EBF1: variants seen among roughly 807,000 people sequenced by gnomAD.
EBF1 encodes EBF transcription factor 1.
A neutral mutation model predicts 68.4 loss-of-function variants in EBF1; 10 were observed. That is an observed-to-expected ratio of 0.15 (90% CI 0.09 to 0.25). The LOEUF is 0.25. Among genes scored for constraint, EBF1 ranks in the 10% least tolerant of loss-of-function variants. The pLI, the probability that EBF1 is intolerant of heterozygous loss-of-function variation, is 1.00. For synonymous variants in EBF1, 298 were observed against 299.8 expected (o/e 0.99, Z 0.06); for missense variants, 509 against 794.4 (o/e 0.64, Z 4.32).
At chr5:158,783,092 G>A (rs1037229473) in intron 9 of EBF1, among the ~76,000 whole-genome samples, 3 of 152,156 alleles carry the variant, frequency 2.0e-5, no homozygotes, top group African/African-American at 7.2e-5. Flanking sequence ...TAAATGGTAA[G>A]AGTGTTTATT....
chr5:159,002,997 TC>T (rs1167214365), intron 6 of EBF1, among the ~76,000 whole-genome samples: 1 of 152,212 alleles, frequency 6.6e-6, no homozygotes, highest in African/African-American at 2.4e-5. Flanking sequence ...CACTCTTTAC[TC>T]ATGATGCAAG....
At chr5:159,025,048 C>T (rs10475669) in intron 6 of EBF1, among the ~76,000 whole-genome samples, 11,072 of 152,232 alleles carry the variant, frequency 0.073, 863 homozygotes, top group East Asian at 0.33. Flanking sequence ...AGGAAATACA[C>T]AAATGTACAG....
At chr5:159,022,825 A>AG (rs113972692) in intron 6 of EBF1, among the ~76,000 whole-genome samples, 3,633 of 152,218 alleles carry the variant, frequency 0.024, 131 homozygotes, top group African/African-American at 0.082. Flanking sequence ...ATGGACAGAG[A>AG]GGAAAAAAAA....
At chr5:158,720,870 A>G (rs1761797123) in intron 11 of EBF1, among the ~76,000 whole-genome samples, 1 of 152,178 alleles carries the variant, frequency 6.6e-6, no homozygotes, top group Admixed American at 6.6e-5. Flanking sequence ...TAACAATTAT[A>G]TTTTACAACC....
intron 6 of EBF1, among the ~76,000 whole-genome samples, chr5:158,964,202 A>C (rs547436942): frequency 6.6e-6 from 1 of 152,214 alleles, no homozygotes; most frequent in Non-Finnish European, 1.5e-5. Context: ...GTGAGTGTGC[A>C]TCAGTGCAAA....
chr5:158,931,274 C>A (rs1052751222), intron 6 of EBF1, among the ~76,000 whole-genome samples: 5 of 152,186 alleles, frequency 3.3e-5, no homozygotes, highest in African/African-American at 1.2e-4. Flanking sequence ...AGAGTAAGCT[C>A]AACATACTCC....
intron 9 of EBF1, among the ~76,000 whole-genome samples, chr5:158,795,334 T>C (rs1779420503): frequency 2.0e-5 from 3 of 152,166 alleles, no homozygotes; most frequent in African/African-American, 4.8e-5. Flanking sequence ...TAACTATTTG[T>C]CTTGGAGCTT....
intron 6 of EBF1, among the ~76,000 whole-genome samples, chr5:158,988,374 G>C (rs1759561995): frequency 6.6e-6 from 1 of 152,134 alleles, no homozygotes; most frequent in Non-Finnish European, 1.5e-5. Flanking sequence ...TGGGACCTAG[G>C]GGAGGAAAAA....
intron 6 of EBF1, among the ~76,000 whole-genome samples, chr5:158,946,329 T>A (rs1231270964): frequency 6.6e-6 from 1 of 152,228 alleles, no homozygotes; most frequent in Non-Finnish European, 1.5e-5. Context: ...TTTATATACC[T>A]TTGGTCTTTG....
At chr5:159,051,024 A>T (rs1773517706) in intron 6 of EBF1, among the ~76,000 whole-genome samples, 1 of 152,028 alleles carries the variant, frequency 6.6e-6, no homozygotes, top group South Asian at 2.1e-4. Flanking sequence ...CAATTATACG[A>T]ATGTTAGGAA....
chr5:158,829,340 CTT>C (rs756188252), intron 7 of EBF1, among the ~76,000 whole-genome samples: 6 of 139,648 alleles, frequency 4.3e-5, no homozygotes, highest in Admixed American at 1.4e-4. Flanking sequence ...CACACTCAGC[CTT>C]TTTTTTTTTT....
intron 6 of EBF1, among the ~76,000 whole-genome samples, chr5:158,893,243 C>G (rs1363480945): frequency 6.6e-6 from 1 of 152,156 alleles, no homozygotes. Context: ...TATTATTAAG[C>G]CTTTTTTCTC....
intron 9 of EBF1, among the ~76,000 whole-genome samples, chr5:158,792,961 G>A (rs1412855488): frequency 3.9e-5 from 6 of 152,234 alleles, no homozygotes; most frequent in South Asian, 2.1e-4. Flanking sequence ...ATGGCAATGT[G>A]AGCCTATCAC....
At chr5:159,006,647 T>TAAAAAAAAAAAAAAAAAAAAAAAAAAA (rs36045942) in intron 6 of EBF1, among the ~76,000 whole-genome samples, 1 of 56,226 alleles carries the variant, frequency 1.8e-5, no homozygotes, top group Non-Finnish European at 3.0e-5. Flanking sequence ...ATAGCCATGT[T>TAAAAAAAAAAAAAAAAAAAAAAAAAAA]AAAAAAAAAA....
At chr5:158,854,718 T>C (rs1261728176) in intron 6 of EBF1, among the ~76,000 whole-genome samples, 1 of 152,170 alleles carries the variant, frequency 6.6e-6, no homozygotes. Flanking sequence ...AGTCAGCAAT[T>C]TGGAACTCTC....
intron 15 of EBF1, chr5:158,707,753 A>C: frequency 3.9e-6 from 2 of 515,678 alleles, no homozygotes; most frequent in East Asian, 2.9e-5. Flanking sequence ...GAAGTTGGAA[A>C]GAGGACTTCT....
At chr5:158,806,537 C>G (rs1299321368) in intron 8 of EBF1, among the ~76,000 whole-genome samples, 1 of 152,064 alleles carries the variant, frequency 6.6e-6, no homozygotes, top group Non-Finnish European at 1.5e-5. Context: ...AGCAGCTCAT[C>G]AAATAATGTA....
intron 6 of EBF1, among the ~76,000 whole-genome samples, chr5:158,987,722 A>G (rs1410046549): frequency 6.6e-6 from 1 of 152,118 alleles, no homozygotes; most frequent in East Asian, 1.9e-4. Context: ...TCACAACACA[A>G]CTAACTGCCC....
At chr5:159,027,422 C>G (rs1193541596) in intron 6 of EBF1, among the ~76,000 whole-genome samples, 1 of 152,170 alleles carries the variant, frequency 6.6e-6, no homozygotes, top group Non-Finnish European at 1.5e-5. Context: ...GTTAGGCTGC[C>G]CTAACATACC....
Sources: gnomAD v4.1 joint callset for allele counts (sites outside exome capture counted in the v4.1 genomes callset) on GRCh38, gnomAD v4.1.1 for gene constraint, MANE v1.5 for transcripts, NCBI Gene and HGNC (gene_info 2026-07-23, HGNC 2026-07-21) for gene names.